PTPN4: variants seen among roughly 807,000 people sequenced by gnomAD.
PTPN4 encodes tyrosine-protein phosphatase non-receptor type 4.
In PTPN4, 49 loss-of-function variants were observed where a neutral mutation model predicts 135.5. The ratio of observed to expected loss-of-function variants is 0.36; its 90% CI spans 0.29 to 0.46. The LOEUF (loss-of-function observed/expected upper bound fraction) is 0.46, where lower values mean the gene tolerates loss of function less well. PTPN4 is among the 20% of genes least tolerant of loss of function. PTPN4 has a pLI of 1.00. For missense variants in PTPN4, 860 were observed against 1,101.0 expected (o/e 0.78, Z 3.10); for synonymous variants, 333 against 369.9 (o/e 0.90, Z 1.14).
intron 3 of PTPN4, among the ~76,000 whole-genome samples, chr2:119,870,524 T>C (rs1677895294): frequency 1.3e-5 from 2 of 152,162 alleles, no homozygotes; most frequent in Non-Finnish European, 2.9e-5. Context: ...AGAATCTGGA[T>C]AAACTTAGCC....
At chr2:119,911,797 A>G (rs1403501694) in intron 10 of PTPN4, among the ~76,000 whole-genome samples, 1 of 152,204 alleles carries the variant, frequency 6.6e-6, no homozygotes, top group African/African-American at 2.4e-5. Flanking sequence ...GTAAGCATTA[A>G]GGAGACTAGA....
At chr2:119,958,430 A>T (rs757574201) in intron 22 of PTPN4, among the ~76,000 whole-genome samples, 10 of 151,656 alleles carry the variant, frequency 6.6e-5, no homozygotes, top group Admixed American at 1.3e-4. Flanking sequence ...AGTCATTTTT[A>T]AATTTATACA....
chr2:119,938,401 A>G (rs1679016275), intron 15 of PTPN4, among the ~76,000 whole-genome samples: 1 of 152,152 alleles, frequency 6.6e-6, no homozygotes, highest in South Asian at 2.1e-4. Flanking sequence ...TGCTGGGATT[A>G]CAGGCATGAG....
At chr2:119,899,576 T>C (rs1486610933) in intron 9 of PTPN4, among the ~76,000 whole-genome samples, 1 of 152,178 alleles carries the variant, frequency 6.6e-6, no homozygotes, top group African/African-American at 2.4e-5. Flanking sequence ...TTTTGCTTTA[T>C]GTATATCTTC....
intron 1 of PTPN4, among the ~76,000 whole-genome samples, chr2:119,788,281 A>T (rs1174249907): frequency 6.6e-6 from 1 of 152,186 alleles, no homozygotes; most frequent in Non-Finnish European, 1.5e-5. Flanking sequence ...AGAGATCACA[A>T]ATTAAGAGAT....
intron 9 of PTPN4, among the ~76,000 whole-genome samples, chr2:119,892,387 C>T (rs1356404790): frequency 6.6e-6 from 1 of 152,084 alleles, no homozygotes; most frequent in Non-Finnish European, 1.5e-5. Flanking sequence ...TTTTACTATA[C>T]AGTACTTCAG....
chr2:119,832,064 A>T (rs1257505467), intron 2 of PTPN4, among the ~76,000 whole-genome samples: 2 of 152,168 alleles, frequency 1.3e-5, no homozygotes, highest in Non-Finnish European at 2.9e-5. Flanking sequence ...AGCTCATAGA[A>T]AGCTTGTGGG....
At chr2:119,952,949 C>T (rs1679230085) in intron 19 of PTPN4, among the ~76,000 whole-genome samples, 1 of 152,172 alleles carries the variant, frequency 6.6e-6, no homozygotes, top group African/African-American at 2.4e-5. Context: ...TTCAGTCCTG[C>T]TCCTAAGTCT....
chr2:119,779,037 C>T (rs958753032), intron 1 of PTPN4, among the ~76,000 whole-genome samples: 2 of 152,140 alleles, frequency 1.3e-5, no homozygotes, highest in Admixed American at 6.5e-5. Flanking sequence ...AGAGCAAAAC[C>T]TGTTGCTACA....
chr2:119,918,974 A>G (rs1678699043), intron 11 of PTPN4, among the ~76,000 whole-genome samples: 2 of 152,236 alleles, frequency 1.3e-5, no homozygotes. Context: ...CTAAAGACAC[A>G]TATGTTTGAT....
chr2:119,813,912 A>G (rs1676942235), intron 2 of PTPN4, among the ~76,000 whole-genome samples: 2 of 152,114 alleles, frequency 1.3e-5, no homozygotes, highest in South Asian at 4.1e-4. Context: ...GATAGCTACC[A>G]TATTTAAGGA....
intron 9 of PTPN4, among the ~76,000 whole-genome samples, chr2:119,892,467 A>G (rs1678254182): frequency 6.6e-6 from 1 of 152,196 alleles, no homozygotes; most frequent in Non-Finnish European, 1.5e-5. Flanking sequence ...TTAAGCTGAG[A>G]AAGGGGAATT....
intron 1 of PTPN4, among the ~76,000 whole-genome samples, chr2:119,770,962 C>T (rs896254088): frequency 5.3e-5 from 8 of 151,902 alleles, no homozygotes; most frequent in East Asian, 1.9e-4. Context: ...TCACTGCAAC[C>T]GCTGGCTCCT....
chr2:119,807,737 C>T (rs1383512797), intron 1 of PTPN4, among the ~76,000 whole-genome samples: 1 of 152,194 alleles, frequency 6.6e-6, no homozygotes, highest in East Asian at 1.9e-4. Flanking sequence ...AGGCCAGCAT[C>T]ATCCTGATAC....
intron 2 of PTPN4, among the ~76,000 whole-genome samples, chr2:119,823,143 GACC>G (rs1320082245): frequency 6.6e-6 from 1 of 151,804 alleles, no homozygotes; most frequent in East Asian, 1.9e-4. Flanking sequence ...CATTTTGTTT[GACC>G]TCTAGGAGCT....
At chr2:119,943,339 A>G (rs1206553723) in intron 15 of PTPN4, among the ~76,000 whole-genome samples, 1 of 152,182 alleles carries the variant, frequency 6.6e-6, no homozygotes, top group Non-Finnish European at 1.5e-5. Flanking sequence ...TCACTCTGGC[A>G]GTAAATCTCT....
At chr2:119,824,400 C>T (rs1677115923) in intron 2 of PTPN4, among the ~76,000 whole-genome samples, 1 of 152,124 alleles carries the variant, frequency 6.6e-6, no homozygotes, top group South Asian at 2.1e-4. Context: ...AGGTTGGTCT[C>T]CAACTCCTGG....
In PTPN4 at chr2:119,940,837, C is replaced by G. The variant is rs183679606; in HGVS notation, c.1356-4244C>G. Among the ~76,000 whole-genome samples, 29 of 152,166 alleles carry G rather than the reference C, an allele frequency of 1.9e-4. No individual in the cohort carries two copies. In the East Asian group the frequency reaches 4.4e-3, roughly 23 times the overall value. Reference sequence around the variant, plus strand: ...CCTTTACCGTTTTTTAAAAAAAATTCATGATTTTCAAGGGTTGTTCATTTT... The same window carrying G: ...CCTTTACCGTTTTTTAAAAAAAATTGATGATTTTCAAGGGTTGTTCATTTT... On this transcript the variant is annotated intron_variant, in intron 15 of 26. Coordinates refer to ENST00000263708, the MANE Select transcript of PTPN4 (RefSeq NM_002830.4).
At chr2:119,807,607 C>T (rs1691496666) in intron 1 of PTPN4, among the ~76,000 whole-genome samples, 3 of 152,132 alleles carry the variant, frequency 2.0e-5, no homozygotes, top group African/African-American at 2.4e-5. Context: ...AAAAAAAGTC[C>T]AGGACCAGAC....
Sources: gnomAD v4.1 joint callset for allele counts (sites outside exome capture counted in the v4.1 genomes callset) on GRCh38, gnomAD v4.1.1 for gene constraint, MANE v1.5 for transcripts, NCBI Gene and HGNC (gene_info 2026-07-23, HGNC 2026-07-21) for gene names.